The following PC variants were observed in gnomAD, a reference collection of about 807,000 sequenced individuals.
PC encodes pyruvate carboxylase.
In PC, 46 loss-of-function variants were observed where a neutral mutation model predicts 107.8. The observed-to-expected ratio is 0.43, with a 90% CI of 0.34 to 0.55. The LOEUF (loss-of-function observed/expected upper bound fraction) is 0.55. PC is among the 20% of genes least tolerant of loss of function. The pLI, the probability that PC is intolerant of heterozygous loss-of-function variation, is 0.04. For synonymous variants in PC, 662 were observed against 684.7 expected (o/e 0.97, Z 0.52); for missense variants, 1,241 against 1,643.1 (o/e 0.76, Z 4.23).
At position 66,849,486 on chromosome 11, in the gene PC, G is replaced by A. The variant is rs1297252938; in HGVS notation, c.3148-116C>T. 43 of 1,602,852 alleles carry A rather than the reference G, an allele frequency of 2.7e-5. No homozygotes were observed. In the East Asian group the frequency reaches 9.6e-4, roughly 36 times the overall value. On this transcript the variant is annotated intron_variant, in intron 21 of 22. Coordinates refer to ENST00000393960, the MANE Select transcript of PC (RefSeq NM_001040716.2). Reference sequence around the variant, plus strand: ...TTGGCTCCTCGTTCCTAAAGGCCTAGCTCCCGGTCTCAAGGGTCCTTTCTG... The same window carrying A: ...TTGGCTCCTCGTTCCTAAAGGCCTAACTCCCGGTCTCAAGGGTCCTTTCTG...
chr11:66,864,728 G>T (rs1946419373), intron 11 of PC, among the ~76,000 whole-genome samples: 1 of 152,224 alleles, frequency 6.6e-6, no homozygotes, highest in East Asian at 1.9e-4. Context: ...AGGGGCAGCG[G>T]AGAGGAGGAG....
At chr11:66,859,664 C>G in intron 12 of PC, 3 of 1,613,094 alleles carry the variant, frequency 1.9e-6, no homozygotes, top group Non-Finnish European at 1.7e-6. Context: ...GCCACCACTT[C>G]CTGCTGAAGC....
intron 3 of PC, among the ~76,000 whole-genome samples, chr11:66,923,560 G>C (rs1591287793): frequency 6.6e-6 from 1 of 151,754 alleles, no homozygotes; most frequent in South Asian, 2.1e-4. Context: ...GCCCAGGCTG[G>C]AGCGTAGTAG....
At chr11:66,909,439 G>GC (rs1948270475) in intron 3 of PC, among the ~76,000 whole-genome samples, 1 of 152,196 alleles carries the variant, frequency 6.6e-6, no homozygotes, top group South Asian at 2.1e-4. Flanking sequence ...AGGTGTCCCT[G>GC]CCGCTCCCCC....
intron 10 of PC, 132 bp downstream of exon 10, chr11:66,868,714 T>A: frequency 1.4e-6 from 1 of 727,660 alleles, no homozygotes; most frequent in Middle Eastern, 2.7e-4. Context: ...ACTAAGTACC[T>A]GGATCCCCAT....
intron 3 of PC, among the ~76,000 whole-genome samples, chr11:66,928,008 A>C (rs1948760277): frequency 6.6e-6 from 1 of 152,182 alleles, no homozygotes. Context: ...TTTCGGCCAC[A>C]GACATGAAGC....
intron 12 of PC, among the ~76,000 whole-genome samples, chr11:66,856,303 G>A (rs140488319): frequency 0.016 from 2,441 of 152,328 alleles, 39 homozygotes; most frequent in South Asian, 0.046. Flanking sequence ...GCCGCGCCGC[G>A]CAGACCAATC....
chr11:66,854,787 C>G (rs888768415), intron 12 of PC, among the ~76,000 whole-genome samples: 1 of 152,248 alleles, frequency 6.6e-6, no homozygotes. Flanking sequence ...GCCTCCCCCA[C>G]CAGCCTGTCA....
At chr11:66,882,546 G>A (rs943283642) in intron 3 of PC, among the ~76,000 whole-genome samples, 2 of 152,164 alleles carry the variant, frequency 1.3e-5, no homozygotes, top group Admixed American at 1.3e-4. Context: ...AAAGAAGTGT[G>A]GTTCAGAAAC....
chr11:66,955,225 G>A (rs1335652721), intron 1 of PC, among the ~76,000 whole-genome samples: 1 of 152,202 alleles, frequency 6.6e-6, no homozygotes, highest in Non-Finnish European at 1.5e-5. Context: ...AGAGGGAAGA[G>A]GGACACAGGG....
At chr11:66,882,924 A>AG (rs375771926) in intron 3 of PC, among the ~76,000 whole-genome samples, 30 of 152,258 alleles carry the variant, frequency 2.0e-4, no homozygotes, top group Admixed American at 1.2e-3. Context: ...ATTTCTGGGC[A>AG]GGGGGGGCAG....
chr11:66,872,053 G>A lies in PC; in HGVS notation c.107C>T (p.Pro36Leu). Residue 36 changes from proline to leucine, a missense_variant, in exon 4 of 23, where the codon CCC becomes CTC. Around this residue, in one of 2 missense-constraint regions of PC, gnomAD observed 1,143 missense variants for 1,551.9 expected, o/e 0.74. Transcript: ENST00000393960. ...GTTGGCCACCATGACTTTCTTGATG[G>A]GCTTATACTCCAGGCGCCGGACATT... Reference protein sequence around the residue: ...SPNVRRLEYKPIKKVMVANRG... With the variant: ...SPNVRRLEYKLIKKVMVANRG... 3 of 1,563,186 alleles carry A rather than the reference G, an allele frequency of 1.9e-6. No homozygotes were observed. Among genetic ancestry groups the A allele is most frequent in the Non-Finnish European group, 2.6e-6 (3 of 1,153,666 alleles).
At chr11:66,893,847 T>A (rs1375324434) in intron 3 of PC, among the ~76,000 whole-genome samples, 9 of 111,448 alleles carry the variant, frequency 8.1e-5, no homozygotes, top group Non-Finnish European at 1.5e-4. Context: ...ACCAGACACC[T>A]CCTCCTTCCT....
At chr11:66,850,152 ACCT>A in intron 19 of PC, 36 bp from the exon 20 acceptor site, 1 of 1,613,802 alleles carries the variant, frequency 6.2e-7, no homozygotes, top group East Asian at 2.2e-5. Flanking sequence ...GGTGCCAGGC[ACCT>A]CAAGGAGGCC....
chr11:66,873,838 GCTCACTGTAACCTCTGC>G (rs1369745154), intron 3 of PC, among the ~76,000 whole-genome samples: 11 of 151,800 alleles, frequency 7.2e-5, no homozygotes, highest in Admixed American at 7.2e-4. Context: ...CATGATCTCT[GCTCACTGTAACCTCTGC>G]CTCCCAGGTT....
intron 3 of PC, among the ~76,000 whole-genome samples, chr11:66,896,842 T>C (rs78840569): frequency 0.039 from 5,909 of 152,278 alleles, 206 homozygotes; most frequent in African/African-American, 0.084. Flanking sequence ...ACATAGAGTA[T>C]TTCTAGAATG....
At chr11:66,941,893 A>C (rs1485343035) in intron 3 of PC, among the ~76,000 whole-genome samples, 1 of 151,694 alleles carries the variant, frequency 6.6e-6, no homozygotes, top group Non-Finnish European at 1.5e-5. Flanking sequence ...ACCTGAACTC[A>C]GGAGTTTGAG....
At chr11:66,865,579 C>T (rs577698654) in intron 11 of PC, among the ~76,000 whole-genome samples, 5 of 152,282 alleles carry the variant, frequency 3.3e-5, no homozygotes, top group East Asian at 1.9e-4. Flanking sequence ...GGAGAAGGCG[C>T]GAGTCTTGCT....
chr11:66,881,990 A>ACTGT (rs139167416), intron 3 of PC, among the ~76,000 whole-genome samples: 6,436 of 152,268 alleles, frequency 0.042, 237 homozygotes, highest in African/African-American at 0.097. Flanking sequence ...TTCTGATAAA[A>ACTGT]CTGTCACTGG....
Sources: gnomAD v4.1 joint callset for allele counts (sites outside exome capture counted in the v4.1 genomes callset) on GRCh38, gnomAD v4.1.1 for gene constraint, gnomAD v4.1.1 regional missense constraint, MANE v1.5 for transcripts, NCBI Gene and HGNC (gene_info 2026-07-23, HGNC 2026-07-21) for gene names.